The following PCDH9 variants were observed in gnomAD, a reference collection of about 807,000 sequenced individuals.
The protein encoded by PCDH9 is protocadherin 9.
Under a neutral mutation model 70.6 loss-of-function variants are expected in PCDH9, and 24 were observed. That is an observed-to-expected ratio of 0.34 (90% CI 0.25 to 0.48). The LOEUF (loss-of-function observed/expected upper bound fraction) is 0.48. Among genes scored for constraint, PCDH9 ranks in the 20% least tolerant of loss-of-function variants. The probability of loss-of-function intolerance (pLI) is 0.99; values close to 1 mark genes in which losing one functional copy is unlikely to be tolerated. For missense variants in PCDH9, 1,281 were observed against 1,503.6 expected (o/e 0.85, Z 2.45); for synonymous variants, 562 against 558.5 (o/e 1.01, Z -0.09).
intron 2 of PCDH9, among the ~76,000 whole-genome samples, chr13:67,127,380 A>T (rs1014734920): frequency 2.0e-5 from 3 of 151,988 alleles, no homozygotes; most frequent in Admixed American, 2.0e-4. Flanking sequence ...AGGGATGGGG[A>T]TCTGCTCGTG....
intron 3 of PCDH9, among the ~76,000 whole-genome samples, chr13:66,765,042 G>A (rs144110042): frequency 2.0e-5 from 3 of 149,654 alleles, no homozygotes; most frequent in East Asian, 2.0e-4. Flanking sequence ...CTCTCTTTCT[G>A]TGTCTTTGTC....
At chr13:66,543,190 G>A (rs771599233) in intron 4 of PCDH9, among the ~76,000 whole-genome samples, 6 of 151,974 alleles carry the variant, frequency 3.9e-5, no homozygotes, top group South Asian at 4.2e-4. Context: ...TCACTGACAC[G>A]TTATCGTTTC....
intron 3 of PCDH9, among the ~76,000 whole-genome samples, chr13:66,877,953 C>A (rs1453586892): frequency 6.6e-6 from 1 of 152,220 alleles, no homozygotes; most frequent in Middle Eastern, 3.4e-3. Context: ...AAACACAGAA[C>A]AAAAATTAGA....
At chr13:66,924,368 G>A (rs2082684022) in intron 2 of PCDH9, among the ~76,000 whole-genome samples, 1 of 151,556 alleles carries the variant, frequency 6.6e-6, no homozygotes, top group African/African-American at 2.4e-5. Flanking sequence ...CCACGTTATT[G>A]TTTTCAAACA....
At chr13:66,510,339 A>T (rs1369314593) in intron 4 of PCDH9, among the ~76,000 whole-genome samples, 1 of 151,598 alleles carries the variant, frequency 6.6e-6, no homozygotes, top group Non-Finnish European at 1.5e-5. Flanking sequence ...TATTATGATT[A>T]AAAATACATT....
At chr13:66,656,648 C>T (rs774962692) in intron 3 of PCDH9, among the ~76,000 whole-genome samples, 52 of 151,320 alleles carry the variant, frequency 3.4e-4, no homozygotes, top group Non-Finnish European at 4.3e-4. Context: ...GGTGGGGGGG[C>T]GGTTAAAATG....
chr13:67,209,858 T>C lies in PCDH9; in HGVS notation c.3036+15547A>G, dbSNP rs537953301. On this transcript the variant is annotated intron_variant, in intron 2 of 4. Coordinates refer to ENST00000377865, the MANE Select transcript of PCDH9 (RefSeq NM_203487.3). ...TTGGTTTTTCTAATCCTAAAGCTGA[T>C]TTTCCTCCAGCATGAGACTGACAAG... 8 of 152,110 alleles carry C rather than the reference T, an allele frequency of 5.3e-5. No homozygotes were observed. In the South Asian group the frequency reaches 1.7e-3, roughly 32 times the overall value. The allele number at this position is 152,110 out of a possible 1,614,324, so 9.4% of individuals were successfully genotyped here. A position where few individuals can be genotyped will look rare whatever the true frequency, so the allele number is the denominator to read the frequency against.
intron 3 of PCDH9, among the ~76,000 whole-genome samples, chr13:66,812,248 G>A (rs1397196630): frequency 6.6e-6 from 1 of 151,910 alleles, no homozygotes; most frequent in Admixed American, 6.6e-5. Context: ...TATATAACGT[G>A]ACAACCTATA....
chr13:66,991,864 A>C (rs1487891365), intron 2 of PCDH9, among the ~76,000 whole-genome samples: 1 of 152,152 alleles, frequency 6.6e-6, no homozygotes, highest in African/African-American at 2.4e-5. Flanking sequence ...TAACATAAAA[A>C]TCATAGTGCA....
chr13:67,092,516 C>A (rs1231276616), intron 2 of PCDH9, among the ~76,000 whole-genome samples: 1 of 152,084 alleles, frequency 6.6e-6, no homozygotes, highest in Non-Finnish European at 1.5e-5. Context: ...AAGCAAAAAT[C>A]TCATTTTCAA....
At chr13:66,674,605 T>C (rs1442916740) in intron 3 of PCDH9, among the ~76,000 whole-genome samples, 1 of 152,078 alleles carries the variant, frequency 6.6e-6, no homozygotes, top group Non-Finnish European at 1.5e-5. Context: ...AACTTTTCAC[T>C]AAATGGGAGG....
At chr13:67,114,043 A>G (rs1180529665) in intron 2 of PCDH9, among the ~76,000 whole-genome samples, 2 of 152,238 alleles carry the variant, frequency 1.3e-5, no homozygotes, top group Admixed American at 6.5e-5. Context: ...TAGCTTCATT[A>G]TAACTCGGCA....
At chr13:66,941,915 C>T (rs931902779) in intron 2 of PCDH9, among the ~76,000 whole-genome samples, 1 of 151,866 alleles carries the variant, frequency 6.6e-6, no homozygotes, top group African/African-American at 2.4e-5. Flanking sequence ...ATAGACCCTA[C>T]TCTGAGGCAT....
chr13:66,863,161 C>T (rs988692045), intron 3 of PCDH9, among the ~76,000 whole-genome samples: 5 of 152,088 alleles, frequency 3.3e-5, no homozygotes, highest in African/African-American at 9.7e-5. Flanking sequence ...CAAACAAAAG[C>T]AAGATACAAA....
chr13:67,030,336 C>T (rs1449158293), intron 2 of PCDH9, among the ~76,000 whole-genome samples: 4 of 152,110 alleles, frequency 2.6e-5, no homozygotes, highest in Admixed American at 2.6e-4. Flanking sequence ...TCAACTGAGG[C>T]TAAGAGGATA....
rs1183512333 is a variant in PCDH9, at chr13:66,326,884, C to A, written c.3341-21856G>T. On this transcript the variant is annotated intron_variant, in intron 4 of 4. Coordinates refer to ENST00000377865, the MANE Select transcript of PCDH9 (RefSeq NM_203487.3). ...AACAAAATGCCTCTTCTTCCCCACCCAACTTAAGCACAATGGCTTAGTTTC... is the reference window on the plus strand; with the variant it reads ...AACAAAATGCCTCTTCTTCCCCACCAAACTTAAGCACAATGGCTTAGTTTC... Among the ~76,000 whole-genome samples, 1,120 of 152,246 alleles carry A rather than the reference C, an allele frequency of 7.4e-3. 8 individuals carry two copies. The highest frequency in any genetic ancestry group is 0.025 in the African/African-American group (1,049 of 41,530).
intron 4 of PCDH9, among the ~76,000 whole-genome samples, chr13:66,597,530 C>A (rs1292700847): frequency 6.6e-6 from 1 of 151,674 alleles, no homozygotes; most frequent in African/African-American, 2.4e-5. Context: ...CATCCACATG[C>A]AAAAGAATGA....
intron 3 of PCDH9, among the ~76,000 whole-genome samples, chr13:66,678,736 T>C (rs2078277300): frequency 6.6e-6 from 1 of 151,776 alleles, no homozygotes; most frequent in South Asian, 2.1e-4. Context: ...TTGATATTGG[T>C]GTAAGAAATT....
chr13:67,143,412 G>GA (rs1475236347), intron 2 of PCDH9, among the ~76,000 whole-genome samples: 11 of 152,196 alleles, frequency 7.2e-5, no homozygotes, highest in African/African-American at 2.6e-4. Flanking sequence ...CTAGTTATTG[G>GA]AAAAATGGTT....
Sources: gnomAD v4.1 joint callset for allele counts (sites outside exome capture counted in the v4.1 genomes callset) on GRCh38, gnomAD v4.1.1 for gene constraint, MANE v1.5 for transcripts, NCBI Gene and HGNC (gene_info 2026-07-23, HGNC 2026-07-21) for gene names.